Variants in DYSF observed in about 807,000 individuals in gnomAD.
DYSF encodes dystrophy-associated fer-1-like 1.
DYSF carries 212 observed loss-of-function variants against 274.9 expected under a neutral mutation model. The ratio of observed to expected loss-of-function variants is 0.77; its 90% CI spans 0.69 to 0.86. DYSF has a LOEUF of 0.86. Among genes scored for constraint, DYSF ranks in the 40% least tolerant of loss-of-function variants. The pLI, the probability that DYSF is intolerant of heterozygous loss-of-function variation, is 0.00. For synonymous variants in DYSF, 1,091 were observed against 1,078.7 expected (o/e 1.01, Z -0.22); for missense variants, 2,666 against 2,783.2 (o/e 0.96, Z 0.95).
chr2:71,636,910 A>G (rs1558688367), intron 41 of DYSF, among the ~76,000 whole-genome samples: 1 of 152,122 alleles, frequency 6.6e-6, no homozygotes. Flanking sequence ...GGAGCTCTGC[A>G]AGGCGAGGGG....
At chr2:71,649,247 C>T (rs1377472467) in intron 42 of DYSF, among the ~76,000 whole-genome samples, 1 of 150,174 alleles carries the variant, frequency 6.7e-6, no homozygotes, top group East Asian at 2.0e-4. Context: ...ATCATATATA[C>T]TGAAAATGTA....
intron 30 of DYSF, among the ~76,000 whole-genome samples, chr2:71,583,765 A>C (rs531670844): frequency 3.8e-4 from 58 of 152,284 alleles, no homozygotes; most frequent in Non-Finnish European, 7.9e-4. Flanking sequence ...AGGTGGGTTG[A>C]GGAGTCCCCT....
intron 40 of DYSF, among the ~76,000 whole-genome samples, chr2:71,614,024 G>A (rs1261512615): frequency 6.6e-6 from 1 of 152,190 alleles, no homozygotes; most frequent in Non-Finnish European, 1.5e-5. Context: ...AGCAACTGAG[G>A]GCCAGCCTGT....
rs191879309 is a variant in DYSF at position 71,664,014 on chromosome 2, C to T, written c.5004-254C>T. 9.8e-5 allele frequency among the ~76,000 whole-genome samples: 15 copies of T among 152,342 alleles called. No individual in the cohort carries two copies. In the East Asian group the frequency reaches 2.9e-3, roughly 29 times the overall value. ...TTTTAATGTGCATTTCCAATTCATT[C>T]TTTCGGTCTGTGGTCCATCAGGCAG... On this transcript the variant is annotated intron_variant, in intron 45 of 55. Transcript: ENST00000410020.
intron 41 of DYSF, among the ~76,000 whole-genome samples, chr2:71,621,739 A>G (rs2094106156): frequency 6.6e-6 from 1 of 152,098 alleles, no homozygotes; most frequent in Non-Finnish European, 1.5e-5. Flanking sequence ...GGCTCACTGC[A>G]ACCTCCATCT....
chr2:71,545,254 C>G (rs2090374909), intron 17 of DYSF, among the ~76,000 whole-genome samples: 1 of 152,192 alleles, frequency 6.6e-6, no homozygotes, highest in South Asian at 2.1e-4. Context: ...TAAAGGGCAA[C>G]TTTTAATTAT....
chr2:71,610,544 CT>C (rs2093733410), intron 36 of DYSF, among the ~76,000 whole-genome samples: 1 of 152,208 alleles, frequency 6.6e-6, no homozygotes, highest in East Asian at 1.9e-4. Context: ...TCCTGCCCAA[CT>C]CTTTCTGGCA....
At chr2:71,653,461 C>T (rs2094703960) in intron 42 of DYSF, among the ~76,000 whole-genome samples, 1 of 151,942 alleles carries the variant, frequency 6.6e-6, no homozygotes, top group African/African-American at 2.4e-5. Context: ...ACATATACAC[C>T]ATGGAATACT....
intron 41 of DYSF, among the ~76,000 whole-genome samples, chr2:71,624,572 A>T (rs149920342): frequency 3.1e-3 from 476 of 152,288 alleles, no homozygotes; most frequent in African/African-American, 0.011. Context: ...TATGAACTTA[A>T]ATTATGCAAT....
chr2:71,576,754 A>AC (rs1179539201), intron 30 of DYSF: 1 of 152,454 alleles, frequency 6.6e-6, no homozygotes, highest in East Asian at 1.9e-4. Flanking sequence ...GCGTGGATGG[A>AC]CCCTGGGGCT....
At chr2:71,519,727 C>T (rs1000380174) in intron 10 of DYSF, among the ~76,000 whole-genome samples, 1 of 151,908 alleles carries the variant, frequency 6.6e-6, no homozygotes, top group Admixed American at 6.6e-5. Flanking sequence ...TCACTGCAAC[C>T]TCCAACTCCT....
chr2:71,527,498 G>A (rs2152750163), intron 13 of DYSF, among the ~76,000 whole-genome samples: 1 of 152,284 alleles, frequency 6.6e-6, no homozygotes, highest in Non-Finnish European at 1.5e-5. Flanking sequence ...TAGAAGTGAG[G>A]CTGGTGAACT....
intron 30 of DYSF, chr2:71,576,902 C>CT (rs1174012591): frequency 6.6e-6 from 1 of 152,276 alleles, no homozygotes; most frequent in East Asian, 1.9e-4. Flanking sequence ...GTGGAAGAGA[C>CT]TGTCCTGAGG....
intron 55 of DYSF, among the ~76,000 whole-genome samples, chr2:71,684,775 G>A (rs1018161617): frequency 6.6e-6 from 1 of 152,214 alleles, no homozygotes. Flanking sequence ...AAACCCTGTT[G>A]GATGTGACAG....
intron 40 of DYSF, among the ~76,000 whole-genome samples, chr2:71,618,633 TACAGGAGGTGGTGTGTGTGGCAGAGGAG>T (rs1319610728): frequency 1.1e-4 from 2 of 18,782 alleles, no homozygotes; most frequent in South Asian, 1.6e-3. Flanking sequence ...GTGTGTGTGT[TACAGGAGGTGGTGTGTGTGGCAGAGGAG>T]GTGTGTGTGT....
In DYSF at chr2:71,552,933, CAG is replaced by C. The variant is rs1229567730; in HGVS notation, c.1807-76_1807-75del. On this transcript the variant is annotated intron_variant, in intron 19 of 55. Transcript: ENST00000410020. ...GGTGCCGGTTATGGCCGGGGCCTGC[CAG>C]ACGTATGTCCCCTCCCCAGCCTGGG... 3.3e-6 allele frequency: 5 copies of C among 1,510,554 alleles called. No individual in the cohort carries two copies. In the Admixed American group the frequency reaches 7.2e-5, roughly 22 times the overall value. The allele number at this position is 1,510,554 out of a possible 1,614,324, so 93.6% of individuals were successfully genotyped here. A position where few individuals can be genotyped will look rare whatever the true frequency, so the allele number is the denominator to read the frequency against.
intron 35 of DYSF, 148 bp from the exon 36 acceptor site, chr2:71,602,628 G>A: frequency 1.3e-6 from 1 of 743,336 alleles, no homozygotes; most frequent in Non-Finnish European, 2.3e-6. Context: ...GGTGGGAGGT[G>A]GTTTCTGTTG....
intron 17 of DYSF, among the ~76,000 whole-genome samples, chr2:71,546,209 C>T (rs757975257): frequency 6.6e-6 from 1 of 152,246 alleles, no homozygotes; most frequent in Non-Finnish European, 1.5e-5. Flanking sequence ...CCCCTCAGAA[C>T]GCGTCGCTCC....
chr2:71,498,068 G>A (rs1038114392), intron 3 of DYSF, among the ~76,000 whole-genome samples: 1 of 152,088 alleles, frequency 6.6e-6, no homozygotes, highest in Admixed American at 6.5e-5. Flanking sequence ...GGCCTGGGGA[G>A]TTTCTTCAGA....
Sources: gnomAD v4.1 joint callset for allele counts (sites outside exome capture counted in the v4.1 genomes callset) on GRCh38, gnomAD v4.1.1 for gene constraint, MANE v1.5 for transcripts, NCBI Gene and HGNC (gene_info 2026-07-23, HGNC 2026-07-21) for gene names.